Variants in DPP10 observed in about 807,000 individuals in gnomAD.
DPP10 encodes dipeptidyl peptidase like 10, also known as inactive dipeptidyl peptidase 10.
A neutral mutation model predicts 120.9 loss-of-function variants in DPP10; 33 were observed. That is an observed-to-expected ratio of 0.27 (90% CI 0.21 to 0.37). The LOEUF (loss-of-function observed/expected upper bound fraction) is 0.37. DPP10 is among the 10% of genes least tolerant of loss of function. DPP10 has a pLI of 1.00. For synonymous variants in DPP10, 337 were observed against 326.1 expected (o/e 1.03, Z -0.36); for missense variants, 816 against 942.8 (o/e 0.87, Z 1.76).
chr2:114,901,298 T>C (rs1215695342), intron 1 of DPP10, among the ~76,000 whole-genome samples: 1 of 152,158 alleles, frequency 6.6e-6, no homozygotes, highest in African/African-American at 2.4e-5. Context: ...CCTGGGTTCA[T>C]GCCATTCTCC....
At chr2:115,253,262 C>A (rs1343669705) in intron 1 of DPP10, among the ~76,000 whole-genome samples, 1 of 152,132 alleles carries the variant, frequency 6.6e-6, no homozygotes, top group African/African-American at 2.4e-5. Flanking sequence ...ACCCAGATTC[C>A]ACTAGTCTCT....
chr2:115,803,142 T>C (rs570589551), intron 19 of DPP10, among the ~76,000 whole-genome samples: 1 of 152,314 alleles, frequency 6.6e-6, no homozygotes, highest in East Asian at 1.9e-4. Context: ...ATATTTAGGA[T>C]AGTTAGTTCT....
chr2:115,310,869 AT>A (rs1302738838), intron 2 of DPP10, among the ~76,000 whole-genome samples: 1 of 152,048 alleles, frequency 6.6e-6, no homozygotes, highest in African/African-American at 2.4e-5. Flanking sequence ...ATCCCTGTGT[AT>A]TTCTCTTGAA....
intron 3 of DPP10, among the ~76,000 whole-genome samples, chr2:115,357,450 A>G (rs2064468061): frequency 2.0e-5 from 3 of 152,246 alleles, no homozygotes; most frequent in Non-Finnish European, 4.4e-5. Context: ...ACATCCAGGT[A>G]ACACTGATGC....
At chr2:115,313,401 T>C in intron 2 of DPP10, among the ~76,000 whole-genome samples, 1 of 152,322 alleles carries the variant, frequency 6.6e-6, no homozygotes. Context: ...TTATCTAATA[T>C]ATTAATAACA....
intron 3 of DPP10, among the ~76,000 whole-genome samples, chr2:115,356,734 A>G (rs1300556484): frequency 1.3e-5 from 2 of 152,110 alleles, no homozygotes; most frequent in African/African-American, 4.8e-5. Context: ...TTGCATCAAT[A>G]GCTGTTTTAT....
chr2:115,054,491 G>C (rs1705744861), intron 1 of DPP10, among the ~76,000 whole-genome samples: 1 of 152,052 alleles, frequency 6.6e-6, no homozygotes, highest in African/African-American at 2.4e-5. Context: ...GTGCACTGTT[G>C]GGTTCATTTT....
At chr2:114,459,524 C>G (rs746661295) in intron 1 of DPP10, among the ~76,000 whole-genome samples, 2 of 152,050 alleles carry the variant, frequency 1.3e-5, no homozygotes, top group Non-Finnish European at 2.9e-5. Flanking sequence ...TTTCCTCTTC[C>G]CTGGGTTTTC....
At chr2:115,112,192 T>G (rs1341896850) in intron 1 of DPP10, among the ~76,000 whole-genome samples, 1 of 152,088 alleles carries the variant, frequency 6.6e-6, no homozygotes, top group Non-Finnish European at 1.5e-5. Flanking sequence ...ATCCAGAATA[T>G]TGTATATTTT....
chr2:114,484,246 C>T (rs991021018), intron 1 of DPP10, among the ~76,000 whole-genome samples: 11 of 152,102 alleles, frequency 7.2e-5, no homozygotes, highest in South Asian at 4.1e-4. Context: ...TCTAGACTTG[C>T]GAGACTTGCA....
intron 1 of DPP10, among the ~76,000 whole-genome samples, chr2:115,045,217 T>G (rs766356126): frequency 1.3e-5 from 2 of 152,202 alleles, no homozygotes; most frequent in Non-Finnish European, 2.9e-5. Context: ...TTTGTTTTCT[T>G]TCAGCACTTT....
chr2:115,751,942 G>C (rs933871953), intron 10 of DPP10, among the ~76,000 whole-genome samples: 1 of 150,930 alleles, frequency 6.6e-6, no homozygotes, highest in Non-Finnish European at 1.5e-5. Flanking sequence ...GGGATTATAG[G>C]CATGTGCCAC....
intron 1 of DPP10, among the ~76,000 whole-genome samples, chr2:115,079,399 TA>T (rs1708079955): frequency 9.4e-6 from 1 of 106,366 alleles, no homozygotes; most frequent in African/African-American, 3.6e-5. Context: ...AGAAAATCCT[TA>T]AAAAAATCAG....
At chr2:115,438,785 G>A (rs111948925) in intron 3 of DPP10, among the ~76,000 whole-genome samples, 12 of 148,050 alleles carry the variant, frequency 8.1e-5, no homozygotes, top group African/African-American at 2.7e-4. Flanking sequence ...AGCACAATGT[G>A]GAATAGTGGC....
intron 1 of DPP10, among the ~76,000 whole-genome samples, chr2:114,779,207 G>A (rs1162344657): frequency 1.3e-5 from 2 of 152,100 alleles, no homozygotes; most frequent in Non-Finnish European, 2.9e-5. Flanking sequence ...TCTCCTGGAT[G>A]TGGATGTGGA....
In DPP10 at chr2:115,138,459, T is replaced by C. The variant is rs369179510; in HGVS notation, c.61-170780T>C. Among the ~76,000 whole-genome samples the C allele has an allele frequency of 9.8e-5, 15 of 152,362 alleles. No individual in the cohort carries two copies. In the East Asian group the frequency reaches 2.5e-3, roughly 25 times the overall value. ...TGATTTGCATTTGTGTTGAAACAGT[T>C]GCACAGGCATTTGATAAGAATAGTT... On this transcript the variant is annotated intron_variant, in intron 1 of 25. Transcript: ENST00000410059.
At chr2:114,529,717 A>C (rs916998829) in intron 1 of DPP10, among the ~76,000 whole-genome samples, 2 of 152,146 alleles carry the variant, frequency 1.3e-5, no homozygotes, top group African/African-American at 4.8e-5. Context: ...GTAGATGTGC[A>C]GGATGTGCAG....
intron 1 of DPP10, among the ~76,000 whole-genome samples, chr2:114,713,849 G>A (rs1045547160): frequency 6.6e-5 from 10 of 152,024 alleles, no homozygotes; most frequent in Admixed American, 2.0e-4. Context: ...GCCGGGCGTG[G>A]TAGCACATGC....
intron 1 of DPP10, among the ~76,000 whole-genome samples, chr2:114,672,584 G>C (rs1413471025): frequency 6.6e-6 from 1 of 152,188 alleles, no homozygotes; most frequent in Non-Finnish European, 1.5e-5. Flanking sequence ...TGAGAAGGAT[G>C]TGATGCTGAT....
Sources: gnomAD v4.1 joint callset for allele counts (sites outside exome capture counted in the v4.1 genomes callset) on GRCh38, gnomAD v4.1.1 for gene constraint, MANE v1.5 for transcripts, NCBI Gene and HGNC (gene_info 2026-07-23, HGNC 2026-07-21) for gene names.